The following PKDCC variants were observed in gnomAD, a reference collection of about 807,000 sequenced individuals.
The protein encoded by PKDCC is extracellular tyrosine-protein kinase PKDCC.
Under a neutral mutation model 44.7 loss-of-function variants are expected in PKDCC, and 35 were observed. The observed-to-expected ratio is 0.78, with a 90% CI of 0.60 to 1.04. PKDCC has a LOEUF of 1.04. Among genes scored for constraint, PKDCC ranks in the 50% least tolerant of loss-of-function variants. PKDCC has a pLI of 0.00. For missense variants in PKDCC, 738 were observed against 672.7 expected (o/e 1.10, Z -1.07); for synonymous variants, 353 against 303.3 (o/e 1.16, Z -1.70).
intron 1 of PKDCC, among the ~76,000 whole-genome samples, chr2:42,050,620 A>T (rs546901671): frequency 1.8e-4 from 28 of 152,248 alleles, no homozygotes; most frequent in African/African-American, 5.5e-4. Context: ...ACAACAGAAT[A>T]GTTTTCACCC....
At chr2:42,053,650 G>GC (rs1668005756) in intron 2 of PKDCC, 1 of 528,158 alleles carries the variant, frequency 1.9e-6, no homozygotes, top group African/African-American at 1.9e-5. Context: ...CTCACACTCA[G>GC]CCTGACTGCA....
Position 42,055,156 on chromosome 2 carries a change from C to G in PKDCC, c.1115-130C>G, listed in dbSNP as rs1668032012. On this transcript the variant is annotated intron_variant, in intron 4 of 6. Coordinates refer to ENST00000294964, the MANE Select transcript of PKDCC (RefSeq NM_138370.3). The surrounding 1 kb of genome is among the most constrained non-coding windows in gnomAD (Gnocchi z 4.5). Reference sequence around the variant, plus strand: ...TCCTAAGGTGGCATTCTGCCGCAACCTCCCCGCTCCCCCGCCCTCTGTTCA... The same window carrying G: ...TCCTAAGGTGGCATTCTGCCGCAACGTCCCCGCTCCCCCGCCCTCTGTTCA... The G allele has an allele frequency of 5.6e-6, 7 of 1,260,540 alleles. No homozygotes were observed. Among genetic ancestry groups the G allele is most frequent in the Non-Finnish European group, 7.9e-6 (7 of 881,798 alleles). 78.1% of individuals were successfully genotyped at this position (1,260,540 alleles called of 1,614,324 possible).
rs1202547957 is a variant in PKDCC at position 42,054,084 on chromosome 2, C to G, written c.811C>G (p.Leu271Val). The G allele has an allele frequency of 6.2e-7, 1 of 1,612,604 alleles. No individual in the cohort carries two copies. The highest frequency in any genetic ancestry group is 1.7e-5 in the Admixed American group (1 of 60,028). Residue 271 changes from leucine (L) to valine (V), a missense_variant, in exon 3 of 7, where the codon CTG becomes GTG. Physicochemically the swap from Leu to Val is conservative, Grantham distance 32 (BLOSUM62 1). Transcript: ENST00000294964. The surrounding 1 kb of genome is among the most constrained non-coding windows in gnomAD (Gnocchi z 6.1). Reference sequence around the variant, plus strand: ...CCTCCACCACCTGGCCCACTCCCCACTGGGCTCCGTCACTCTGCTGGACTT... The same window carrying G: ...CCTCCACCACCTGGCCCACTCCCCAGTGGGCTCCGTCACTCTGCTGGACTT... ...RLLHHLAHSP[L>V]GSVTLLDFRP...
chr2:42,048,628 C>T lies in PKDCC; in HGVS notation c.429C>T (p.Tyr143=), dbSNP rs1223662365. The stretch of plus-strand genomic sequence containing the variant: ...TTCGCAACGTGTCCGGCGCGCAGTA[C>T]ATGGGCTCAGGCTACACCAAGGCCG... ...AALRNVSGAQ[Y]MGSGYTKAVY... Residue 143 remains tyrosine (Y), a synonymous_variant, in exon 1 of 7, where the codon TAC becomes TAT. Coordinates refer to ENST00000294964, the MANE Select transcript of PKDCC (RefSeq NM_138370.3). The surrounding 1 kb of genome is among the most constrained non-coding windows in gnomAD (Gnocchi z 6.2). 6.5e-7 allele frequency: 1 copy of T among 1,540,724 alleles called. No homozygotes were observed.
chr2:42,055,622 C>G lies in PKDCC; in HGVS notation c.1222+229C>G. The G allele has an allele frequency of 1.9e-6, 1 of 539,632 alleles. No homozygotes were observed. The highest frequency in any genetic ancestry group is 3.1e-5 in the East Asian group (1 of 31,972). 33.4% of individuals were successfully genotyped at this position (539,632 alleles called of 1,614,324 possible). ...TCTGCCTTCAACCTGGGGTTGGGCA[C>G]TGATACCCCTACTCTGGATGGCTCC... On this transcript the variant is annotated intron_variant, in intron 5 of 6. Transcript: ENST00000294964. The surrounding 1 kb of genome is among the most constrained non-coding windows in gnomAD (Gnocchi z 4.5).
chr2:42,056,173 A>T (rs1421246509), intron 5 of PKDCC, among the ~76,000 whole-genome samples: 1 of 152,156 alleles, frequency 6.6e-6, no homozygotes, highest in Non-Finnish European at 1.5e-5. Context: ...ACTTTGGTCT[A>T]GTCCCTGGTA....
rs372443370 is a variant in PKDCC, at chr2:42,051,421, G to T, written c.640-1818G>T. On this transcript the variant is annotated intron_variant, in intron 1 of 6. Transcript: ENST00000294964. This position sits in a 1 kb window ranked among gnomAD's most constrained non-coding sequence, Gnocchi z 4.2. Reference sequence around the variant, plus strand: ...CTGGGCCCAGATTCTGGCCCTGCTAGAGTATATTTCTTCTCCCAACCAAAC... The same window carrying T: ...CTGGGCCCAGATTCTGGCCCTGCTATAGTATATTTCTTCTCCCAACCAAAC... Among the ~76,000 whole-genome samples the T allele has an allele frequency of 1.3e-4, 20 of 151,964 alleles. 1 individual carries two copies. In the East Asian group the frequency reaches 3.9e-3, roughly 29 times the overall value.
rs1355284081 is a variant in PKDCC, at chr2:42,052,906, G to A, written c.640-333G>A. On this transcript the variant is annotated intron_variant, in intron 1 of 6. Coordinates refer to ENST00000294964, the MANE Select transcript of PKDCC (RefSeq NM_138370.3). The surrounding 1 kb of genome is among the most constrained non-coding windows in gnomAD (Gnocchi z 4.3). ...TCACCTGAAGTTGGAGATAATAATA[G>A]CACCTACTGTGCCCATTAGGGTTAT... Among the ~76,000 whole-genome samples, 1 of 152,154 alleles carries A rather than the reference G, an allele frequency of 6.6e-6. No homozygotes were observed. Among genetic ancestry groups the A allele is most frequent in the Non-Finnish European group, 1.5e-5 (1 of 68,030 alleles).
chr2:42,050,046 A>G (rs1243998395), intron 1 of PKDCC, among the ~76,000 whole-genome samples: 1 of 152,198 alleles, frequency 6.6e-6, no homozygotes, highest in Non-Finnish European at 1.5e-5. Context: ...GGCGTCGTAG[A>G]GCAGGAGAGA....
Position 42,048,557 on chromosome 2 carries a change from G to A in PKDCC, c.358G>A (p.Gly120Ser). Residue 120 changes from glycine to serine, a missense_variant, in exon 1 of 7, where the codon GGC becomes AGC. Physicochemically the swap from Gly to Ser is moderately conservative, Grantham distance 56. Transcript: ENST00000294964. This position sits in a 1 kb window ranked among gnomAD's most constrained non-coding sequence, Gnocchi z 6.2. The part of the protein sequence containing the change: ...DGAPGWPPAP[G>S]PGSPGPGPRL... ...CGCCCCAGGCTGGCCCCCGGCTCCC[G>A]GCCCAGGCTCCCCCGGCCCGGGCCC... 3.1e-6 allele frequency: 4 copies of A among 1,286,426 alleles called. No homozygotes were observed. The highest frequency in any genetic ancestry group is 3.9e-6 in the Non-Finnish European group (4 of 1,024,952). 79.7% of individuals were successfully genotyped at this position (1,286,426 alleles called of 1,614,324 possible).
At chr2:42,057,101 C>A (rs899129862) in intron 5 of PKDCC, 120 bp from the exon 6 acceptor site, 4 of 1,180,004 alleles carry the variant, frequency 3.4e-6, no homozygotes, top group Non-Finnish European at 4.9e-6. Flanking sequence ...GAGGGCTGGG[C>A]TGGACTTCAG....
At position 42,055,881 on chromosome 2, in the gene PKDCC, T is replaced by C. The variant is rs1668046202; in HGVS notation, c.1222+488T>C. Among the ~76,000 whole-genome samples, 2 of 152,084 alleles carry C rather than the reference T, an allele frequency of 1.3e-5. No homozygotes were observed. Among genetic ancestry groups the C allele is most frequent in the Non-Finnish European group, 1.5e-5 (1 of 68,004 alleles). On this transcript the variant is annotated intron_variant, in intron 5 of 6. Transcript: ENST00000294964. The surrounding 1 kb of genome is among the most constrained non-coding windows in gnomAD (Gnocchi z 4.5). ...CTCCCGGGGCTAGAAGGGCACTGCA[T>C]GTTAGGGAAGGCACACACTGAAACC...
At chr2:42,050,898 AG>A (rs1265942747) in intron 1 of PKDCC, among the ~76,000 whole-genome samples, 5 of 152,174 alleles carry the variant, frequency 3.3e-5, no homozygotes, top group Admixed American at 1.3e-4. Flanking sequence ...CTTTGCTGGC[AG>A]GGAAGCCTAC....
chr2:42,053,190 TC>T (rs1667997502), intron 1 of PKDCC, 48 bp from the exon 2 acceptor site: 2 of 1,199,896 alleles, frequency 1.7e-6, no homozygotes, highest in African/African-American at 1.6e-5. Flanking sequence ...CCCTTCCCTG[TC>T]CCCACCCCCA....
intron 1 of PKDCC, among the ~76,000 whole-genome samples, chr2:42,053,008 G>A (rs759228978): frequency 7.2e-5 from 11 of 152,224 alleles, no homozygotes; most frequent in Non-Finnish European, 1.5e-4. Context: ...GGCCAGACCT[G>A]CCTATTTACC....
chr2:42,050,497 G>C (rs1385368989), intron 1 of PKDCC, among the ~76,000 whole-genome samples: 2 of 152,134 alleles, frequency 1.3e-5, no homozygotes, highest in Non-Finnish European at 2.9e-5. Flanking sequence ...CTTCCCGCCA[G>C]CTCAAACTTC....
chr2:42,057,215 C>G lies in PKDCC; in HGVS notation c.1223-6C>G. 1 of 1,613,902 alleles carries G rather than the reference C, an allele frequency of 6.2e-7. No individual in the cohort carries two copies. Among genetic ancestry groups the G allele is most frequent in the Non-Finnish European group, 8.5e-7 (1 of 1,179,804 alleles). On this transcript the variant is annotated splice_region_variant and splice_polypyrimidine_tract_variant and intron_variant, in intron 5 of 6. Coordinates refer to ENST00000294964, the MANE Select transcript of PKDCC (RefSeq NM_138370.3). ...ATTCTCATTTTACTCCATCCCCAAC[C>G]CACAGAGTACCAGTGTATCCCAGAC...
chr2:42,048,488 C>T lies in PKDCC; in HGVS notation c.289C>T (p.Leu97=), dbSNP rs1667908607. ...GGACCTGGCTCCGGGCGGGCCCGGC[C>T]TGCCGCGCCCCCGGCCCCCTTGGGC... ...LMDLAPGGPG[L]PRPRPPWARP... Residue 97 remains leucine, a synonymous_variant, in exon 1 of 7, where the codon CTG becomes TTG. Transcript: ENST00000294964. The surrounding 1 kb of genome is among the most constrained non-coding windows in gnomAD (Gnocchi z 6.2). 9.6e-7 allele frequency: 1 copy of T among 1,043,026 alleles called. No individual in the cohort carries two copies. Among genetic ancestry groups the T allele is most frequent in the African/African-American group, 1.7e-5 (1 of 58,182 alleles). 64.6% of individuals were successfully genotyped at this position (1,043,026 alleles called of 1,614,324 possible).
rs765956733 is a variant in PKDCC at position 42,052,160 on chromosome 2, G to A, written c.640-1079G>A. Among the ~76,000 whole-genome samples, 1 of 152,044 alleles carries A rather than the reference G, an allele frequency of 6.6e-6. No homozygotes were observed. Among genetic ancestry groups the A allele is most frequent in the African/African-American group, 2.4e-5 (1 of 41,374 alleles). ...ATAGAGTGGGCAGTTCCCTGTGACC[G>A]TAACCCCAAAAGAACTGATCTTCCA... On this transcript the variant is annotated intron_variant, in intron 1 of 6. Coordinates refer to ENST00000294964, the MANE Select transcript of PKDCC (RefSeq NM_138370.3). This position sits in a 1 kb window ranked among gnomAD's most constrained non-coding sequence, Gnocchi z 4.3.
Sources: gnomAD v4.1 joint callset for allele counts (sites outside exome capture counted in the v4.1 genomes callset) on GRCh38, gnomAD v4.1.1 for gene constraint, Gnocchi (gnomAD v3.1) non-coding constraint, MANE v1.5 for transcripts, NCBI Gene and HGNC (gene_info 2026-07-23, HGNC 2026-07-21) for gene names.